DCHS2: variants seen among roughly 807,000 people sequenced by gnomAD.
The protein encoded by DCHS2 is dachsous cadherin-related 2.
Under a neutral mutation model 182.4 loss-of-function variants are expected in DCHS2, and 142 were observed. The observed-to-expected ratio is 0.78, with a 90% CI of 0.68 to 0.89. The LOEUF is 0.89. Ranked by LOEUF, DCHS2 falls within the 40% of genes least tolerant of loss-of-function variation. The pLI is 0.00. For missense variants in DCHS2, 4,319 were observed against 4,198.6 expected, an observed-to-expected ratio of 1.03 and a Z score of -0.79; for synonymous variants, 1,740 against 1,663.3, an observed-to-expected ratio of 1.05 and a Z score of -1.12.
intron 1 of DCHS2, among the ~76,000 whole-genome samples, chr4:154,482,953 A>G (rs1735978151): frequency 6.6e-6 from 1 of 152,226 alleles, no homozygotes; most frequent in Non-Finnish European, 1.5e-5. Context: ...GAGGTTGTGG[A>G]AGAGATGCTT....
chr4:154,386,818 A>G (rs1394632293), intron 1 of DCHS2, among the ~76,000 whole-genome samples: 2 of 152,238 alleles, frequency 1.3e-5, no homozygotes, highest in East Asian at 3.8e-4. Flanking sequence ...GAGGAAACAC[A>G]TAAGAACAAG....
chr4:154,339,837 G>A (rs1728981940), intron 3 of DCHS2, among the ~76,000 whole-genome samples: 1 of 152,120 alleles, frequency 6.6e-6, no homozygotes, highest in African/African-American at 2.4e-5. Flanking sequence ...AGAACACTAT[G>A]TAAAGTTTGA....
chr4:154,343,472 A>G (rs886467104), intron 3 of DCHS2: 4 of 1,438,598 alleles, frequency 2.8e-6, no homozygotes, highest in Non-Finnish European at 3.7e-6. Context: ...AACCACCTTC[A>G]CCAAGAATCT....
Position 154,490,110 on chromosome 4 carries a change from G to T in DCHS2, c.1246C>A (p.Leu416Ile). ...VNDNRPAIHV[L>I]FLTEGGVARV... is the part of the protein sequence containing the mutation. ...GCGACGCCTCCCTCTGTGAGAAAGA[G>T]CACGTGAATTGCTGGCCGGTTGTCA... Residue 416 changes from leucine (L) to isoleucine (I), a missense_variant, in exon 1 of 20, where the codon CTC (leucine) becomes ATC (isoleucine). Leu to Ile is a conservative substitution (Grantham distance 5). Transcript: ENST00000357232. The T allele has an allele frequency of 6.5e-7, 1 of 1,548,788 alleles. No individual in the cohort carries two copies. Among genetic ancestry groups the T allele is most frequent in the Non-Finnish European group, 8.7e-7 (1 of 1,145,896 alleles).
At chr4:154,350,887 G>C (rs1383640120) in intron 3 of DCHS2, among the ~76,000 whole-genome samples, 1 of 152,088 alleles carries the variant, frequency 6.6e-6, no homozygotes, top group African/African-American at 2.4e-5. Flanking sequence ...AAAAAGATGA[G>C]CTTTACAAAA....
chr4:154,480,585 A>G (rs1216272642), intron 1 of DCHS2, among the ~76,000 whole-genome samples: 1 of 152,240 alleles, frequency 6.6e-6, no homozygotes, highest in African/African-American at 2.4e-5. Flanking sequence ...CTGAGAATTT[A>G]GTATGAAATA....
At chr4:154,367,998 T>C (rs772328257) in intron 2 of DCHS2, among the ~76,000 whole-genome samples, 1 of 152,142 alleles carries the variant, frequency 6.6e-6, no homozygotes, top group Non-Finnish European at 1.5e-5. Flanking sequence ...AATTTAGAAA[T>C]AGTCTGATTT....
chr4:154,485,264 T>A (rs1281071904), intron 1 of DCHS2, among the ~76,000 whole-genome samples: 1 of 152,010 alleles, frequency 6.6e-6, no homozygotes, highest in Non-Finnish European at 1.5e-5. Flanking sequence ...AGAGGCAGAA[T>A]GTAAGGAGAC....
At chr4:154,362,682 T>C (rs1251219099) in intron 3 of DCHS2, among the ~76,000 whole-genome samples, 1 of 152,120 alleles carries the variant, frequency 6.6e-6, no homozygotes, top group Non-Finnish European at 1.5e-5. Flanking sequence ...CTCTCCTGCC[T>C]GCCCTTTCCT....
At position 154,491,605 on chromosome 4, in the gene DCHS2, G is replaced by C. The variant is rs1003412946; in HGVS notation, c.-250C>G. The stretch of plus-strand genomic sequence containing the variant: ...GCGGCAGCCACCTCTTCTGCCCCTG[G>C]ATTTCTTTAAACGAATCTCATCTCT... On this transcript the variant is annotated 5_prime_UTR_variant, in exon 1 of 20. In the 5' UTR this introduces an upstream ATG that the reference lacks. Coordinates refer to ENST00000357232, the MANE Select transcript of DCHS2 (RefSeq NM_001358235.2). The C allele has an allele frequency of 1.5e-6, 2 of 1,329,170 alleles. No homozygotes were observed. Among genetic ancestry groups the C allele is most frequent in the Non-Finnish European group, 1.9e-6 (2 of 1,046,598 alleles). 82.3% of individuals were successfully genotyped at this position (1,329,170 alleles called of 1,614,324 possible). A position where few individuals can be genotyped will look rare whatever the true frequency, so the allele number is the denominator to read the frequency against.
In DCHS2 at chr4:154,283,249, T is replaced by G. The variant is rs575044039; in HGVS notation, c.6464-13236A>C. 5.3e-5 allele frequency among the ~76,000 whole-genome samples: 8 copies of G among 152,232 alleles called. No homozygotes were observed. In the South Asian group the frequency reaches 1.7e-3, roughly 32 times the overall value. On this transcript the variant is annotated intron_variant, in intron 13 of 19. Transcript: ENST00000357232. ...TCATTAAAAATGGCTGAACCATTACTAAGGCTTTTTAAAAAAATCACTCCT... is the reference window on the plus strand; with the variant it reads ...TCATTAAAAATGGCTGAACCATTACGAAGGCTTTTTAAAAAAATCACTCCT...
intron 1 of DCHS2, among the ~76,000 whole-genome samples, chr4:154,436,849 C>T (rs1733802063): frequency 6.6e-6 from 1 of 152,130 alleles, no homozygotes; most frequent in Non-Finnish European, 1.5e-5. Context: ...GATTTCAAAA[C>T]TTAATTTGAA....
chr4:154,378,265 T>C (rs1377674033), intron 1 of DCHS2, among the ~76,000 whole-genome samples: 1 of 151,848 alleles, frequency 6.6e-6, no homozygotes. Context: ...ACTGTGGGAG[T>C]ATATAGTGAG....
rs1406027225 is a variant in DCHS2, at chr4:154,489,588, C to T, written c.1768G>A (p.Gly590Ser). The change falls in exon 1 of 20, where the codon GGC (glycine) becomes AGC (serine). Residue 590 changes from glycine (G) to serine (S), a missense_variant. Transcript: ENST00000357232. Reference sequence around the variant, plus strand: ...TGGACCATCTTTGATTGCAGGGAGCCGAGATTGCAGGGAGCCGAGAGTTGG... The same window carrying T: ...TGGACCATCTTTGATTGCAGGGAGCTGAGATTGCAGGGAGCCGAGAGTTGG... ...VVQLSAPCNL[G>S]SLQSKMVHTA... is the part of the protein sequence containing the mutation. The T allele has an allele frequency of 2.6e-6, 4 of 1,550,490 alleles. No homozygotes were observed. The highest frequency in any genetic ancestry group is 2.4e-5 in the East Asian group (1 of 40,840).
At chr4:154,359,708 C>T (rs994247734) in intron 3 of DCHS2, among the ~76,000 whole-genome samples, 1 of 151,908 alleles carries the variant, frequency 6.6e-6, no homozygotes, top group Non-Finnish European at 1.5e-5. Context: ...CAAATCTTAG[C>T]GACTAAGTAG....
intron 1 of DCHS2, among the ~76,000 whole-genome samples, chr4:154,409,756 G>T (rs1386896690): frequency 6.6e-6 from 1 of 152,082 alleles, no homozygotes; most frequent in Non-Finnish European, 1.5e-5. Flanking sequence ...CACCAAGAGG[G>T]ATCCCCTCAA....
At chr4:154,417,898 C>T (rs548696792) in intron 1 of DCHS2, among the ~76,000 whole-genome samples, 2 of 152,150 alleles carry the variant, frequency 1.3e-5, no homozygotes, top group Non-Finnish European at 2.9e-5. Context: ...TAAAATTTCT[C>T]AATGTTAAGC....
At position 154,322,421 on chromosome 4, in the gene DCHS2, C is replaced by T. The variant is rs13109747; in HGVS notation, c.4086G>A (p.Ser1362=). 0.9 allele frequency: 1,452,892 copies of T among 1,613,460 alleles called. 660,675 individuals carry two copies. Among genetic ancestry groups the T allele is most frequent in the South Asian group, 0.94 (85,793 of 91,056 alleles). The change falls in exon 8 of 20, where the codon TCG becomes TCA. Residue 1362 remains serine (S), a synonymous_variant. Transcript: ENST00000357232. ...NGEIRTTTIL[S]YDYRPSYRMS... The stretch of plus-strand genomic sequence containing the variant: ...TTCTGTAGGAAGGTCTATAATCATA[C>T]GAAAGTATTGTGGTTGTTCTTATTT...
intron 16 of DCHS2, among the ~76,000 whole-genome samples, chr4:154,245,763 A>C (rs1345056698): frequency 6.6e-6 from 1 of 152,182 alleles, no homozygotes; most frequent in East Asian, 1.9e-4. Context: ...AATGAATGAG[A>C]AATATCAACA....
Sources: allele counts gnomAD v4.1 joint callset (sites outside exome capture counted in the v4.1 genomes callset), GRCh38; gene constraint gnomAD v4.1.1; transcripts MANE v1.5; gene names NCBI Gene and HGNC (gene_info 2026-07-23, HGNC 2026-07-21).